The following PPFIA4 variants were observed in gnomAD, a reference collection of about 807,000 sequenced individuals.
PPFIA4 encodes the protein PPFI scaffold protein A4.
In PPFIA4, 98 loss-of-function variants were observed where a neutral mutation model predicts 145.7. That is an observed-to-expected ratio of 0.67 (90% CI 0.57 to 0.80). PPFIA4 has a LOEUF of 0.80. PPFIA4 is among the 30% of genes least tolerant of loss of function. The pLI is 0.00. For synonymous variants in PPFIA4, 628 were observed against 649.6 expected (o/e 0.97, Z 0.51); for missense variants, 1,457 against 1,632.7 (o/e 0.89, Z 1.85).
At chr1:203,035,672 G>A (rs1230190718) in intron 1 of PPFIA4, 2 of 456,718 alleles carry the variant, frequency 4.4e-6, no homozygotes, top group Non-Finnish European at 8.8e-6. Context: ...TGCGGGAGTT[G>A]AGGAGGCTTC....
At chr1:203,029,125 A>G (rs1410974546) in intron 1 of PPFIA4, among the ~76,000 whole-genome samples, 2 of 152,164 alleles carry the variant, frequency 1.3e-5, no homozygotes, top group Non-Finnish European at 2.9e-5. Flanking sequence ...AGGAGACTCC[A>G]GGGCTGGTCT....
intron 7 of PPFIA4, 45 bp downstream of exon 7, chr1:203,045,604 T>C: frequency 6.6e-7 from 1 of 1,508,246 alleles, no homozygotes; most frequent in Non-Finnish European, 8.9e-7. Context: ...TTGTGGAGCG[T>C]GTGGAGGGAG....
At chr1:203,040,826 C>T (rs189239226) in intron 2 of PPFIA4, among the ~76,000 whole-genome samples, 50 of 152,318 alleles carry the variant, frequency 3.3e-4, no homozygotes, top group African/African-American at 1.0e-3. Context: ...TATTCAAGAT[C>T]ATACAGCTAA....
intron 19 of PPFIA4, among the ~76,000 whole-genome samples, chr1:203,058,162 A>G (rs1661106406): frequency 6.6e-6 from 1 of 152,168 alleles, no homozygotes; most frequent in African/African-American, 2.4e-5. Flanking sequence ...ACCTTTCTGC[A>G]GCTCAGGAAG....
chr1:203,045,139 G>T (rs534685235), intron 6 of PPFIA4, among the ~76,000 whole-genome samples: 1 of 152,320 alleles, frequency 6.6e-6, no homozygotes, highest in Non-Finnish European at 1.5e-5. Context: ...GATAAAACTA[G>T]AAACTTGTTT....
Position 203,075,676 on chromosome 1 carries a change from A to C in PPFIA4, c.3493A>C (p.Thr1165Pro). The change falls in exon 29 of 30, where the codon ACC becomes CCC. Residue 1165 changes from threonine to proline, a missense_variant. Physicochemically the swap from Thr to Pro is conservative, Grantham distance 38. Transcript: ENST00000295706. The surrounding 1 kb of genome is among the most constrained non-coding windows in gnomAD (Gnocchi z 4.1). ...CGGCATGCTCAGCGCTTCCGCGGAGACCCTCCCGGCGGGCTTCCGTGTGTC... is the reference window on the plus strand; with the variant it reads ...CGGCATGCTCAGCGCTTCCGCGGAGCCCCTCCCGGCGGGCTTCCGTGTGTC... ...RGGMLSASAE[T>P]LPAGFRVSTL... The C allele has an allele frequency of 6.7e-7, 1 of 1,497,556 alleles. No individual in the cohort carries two copies. Among genetic ancestry groups the C allele is most frequent in the Non-Finnish European group, 8.9e-7 (1 of 1,121,420 alleles). The allele number at this position is 1,497,556 out of a possible 1,614,324, so 92.8% of individuals were successfully genotyped here.
chr1:203,064,803 AG>A (rs1281713316), intron 25 of PPFIA4, among the ~76,000 whole-genome samples: 1 of 152,178 alleles, frequency 6.6e-6, no homozygotes, highest in Non-Finnish European at 1.5e-5. Context: ...AGGGCCTCCC[AG>A]CCCCCCAGCC....
At position 203,075,161 on chromosome 1, in the gene PPFIA4, G is replaced by A. The variant is rs1007301334; in HGVS notation, c.3394-416G>A. Among the ~76,000 whole-genome samples, 7 of 152,162 alleles carry A rather than the reference G, an allele frequency of 4.6e-5. No individual in the cohort carries two copies. In the South Asian group the frequency reaches 6.2e-4, roughly 14 times the overall value. On this transcript the variant is annotated intron_variant, in intron 28 of 29. Coordinates refer to ENST00000295706, the MANE Select transcript of PPFIA4 (RefSeq NM_001304331.2). This position sits in a 1 kb window ranked among gnomAD's most constrained non-coding sequence, Gnocchi z 4.1. ...CTGGTATACTGGGCTACAGCCATTC[G>A]GAGGCCCCAGAAGGACAGGACAGTG...
chr1:203,049,652 C>A, intron 12 of PPFIA4, 24 bp from the exon 13 acceptor site: 1 of 1,498,448 alleles, frequency 6.7e-7, no homozygotes, highest in Non-Finnish European at 8.9e-7. Context: ...CACTCCCGCC[C>A]CCACCCCGGG....
intron 25 of PPFIA4, among the ~76,000 whole-genome samples, chr1:203,065,472 G>A (rs1464026907): frequency 6.6e-6 from 1 of 152,184 alleles, no homozygotes; most frequent in African/African-American, 2.4e-5. Context: ...GGCTGCTAGA[G>A]GATCTGTCAG....
intron 4 of PPFIA4, 28 bp downstream of exon 4, chr1:203,044,123 TC>T (rs1228542703): frequency 1.3e-6 from 2 of 1,551,808 alleles, no homozygotes. Context: ...AGCCCCCACA[TC>T]CAGCCAGGCT....
intron 1 of PPFIA4, among the ~76,000 whole-genome samples, chr1:203,034,145 C>A (rs1659044596): frequency 6.6e-6 from 1 of 152,182 alleles, no homozygotes; most frequent in Admixed American, 6.5e-5. Context: ...ATCTCACACA[C>A]TGGAGGGATC....
intron 5 of PPFIA4, 79 bp from the exon 6 acceptor site, chr1:203,044,617 C>A: frequency 7.0e-7 from 1 of 1,435,708 alleles, no homozygotes. Flanking sequence ...TTAACTAAGA[C>A]AGGGGCTTTG....
intron 28 of PPFIA4, among the ~76,000 whole-genome samples, chr1:203,073,556 T>G (rs1662315603): frequency 7.9e-6 from 1 of 126,320 alleles, no homozygotes; most frequent in Non-Finnish European, 1.8e-5. Context: ...TGTCCAACTG[T>G]CTAGCACATC....
In PPFIA4 at chr1:203,076,396, G is replaced by T. The variant is rs756435473; in HGVS notation, c.*6G>T. On this transcript the variant is annotated 3_prime_UTR_variant, in exon 30 of 30. Coordinates refer to ENST00000295706, the MANE Select transcript of PPFIA4 (RefSeq NM_001304331.2). Reference sequence around the variant, plus strand: ...TCTCCGCCTTCCGGGACTAGCCATGGCCCCCAGGGCTGGCTTCCTCCTTCT... The same window carrying T: ...TCTCCGCCTTCCGGGACTAGCCATGTCCCCCAGGGCTGGCTTCCTCCTTCT... The T allele has an allele frequency of 5.0e-6, 8 of 1,607,978 alleles. No individual in the cohort carries two copies. The African/African-American group carries it at 9.3e-5, about 19-fold the overall frequency.
Position 203,045,525 on chromosome 1 carries a change from A to C in PPFIA4, c.824A>C (p.Glu275Ala), listed in dbSNP as rs772722223. ...CGCCGGGACCTCATCAAGTCGGAGGAGCTGAGCAGCAAGCATCAGCGGGAC... is the reference window on the plus strand; with the variant it reads ...CGCCGGGACCTCATCAAGTCGGAGGCGCTGAGCAGCAAGCATCAGCGGGAC... ...TARRDLIKSE[E>A]LSSKHQRDLR... The change falls in exon 7 of 30, where the codon GAG becomes GCG. Residue 275 changes from glutamate to alanine, a missense_variant. Physicochemically the swap from Glu to Ala is moderately radical, Grantham distance 107. Around this residue, in one of 3 missense-constraint regions of PPFIA4, gnomAD observed 463 missense variants for 459.8 expected, o/e 1.01. Coordinates refer to ENST00000295706, the MANE Select transcript of PPFIA4 (RefSeq NM_001304331.2). 2 of 1,603,592 alleles carry C rather than the reference A, an allele frequency of 1.2e-6. No individual in the cohort carries two copies. The highest frequency in any genetic ancestry group is 1.7e-6 in the Non-Finnish European group (2 of 1,175,866).
chr1:203,035,239 C>T (rs10920551), intron 1 of PPFIA4: 99,212 of 454,710 alleles, frequency 0.22, 11,613 homozygotes, highest in Admixed American at 0.3. Flanking sequence ...ACGCTCCTAG[C>T]GGCCCTGCCC....
In PPFIA4 at chr1:203,060,335, C is replaced by T; in HGVS notation, c.2702C>T (p.Ala901Val). 6.2e-7 allele frequency: 1 copy of T among 1,614,048 alleles called. No individual in the cohort carries two copies. The highest frequency in any genetic ancestry group is 1.3e-5 in the African/African-American group (1 of 75,050). ...EIQREIGISN[A>V]LHRLKLRLAI... is the part of the protein sequence containing the mutation. Reference sequence around the variant, plus strand: ...CAGCGGGAGATCGGCATCAGCAATGCCCTGCACCGGCTCAAGCTCCGCCTG... The same window carrying T: ...CAGCGGGAGATCGGCATCAGCAATGTCCTGCACCGGCTCAAGCTCCGCCTG... The change falls in exon 22 of 30, where the codon GCC becomes GTC. Residue 901 changes from alanine to valine, a missense_variant. Transcript: ENST00000295706. This position sits in a 1 kb window ranked among gnomAD's most constrained non-coding sequence, Gnocchi z 4.8.
At position 203,039,221 on chromosome 1, in the gene PPFIA4, C is replaced by T. The variant is rs1659522181; in HGVS notation, c.213C>T (p.His71=). 1 of 1,595,922 alleles carries T rather than the reference C, an allele frequency of 6.3e-7. No individual in the cohort carries two copies. The highest frequency in any genetic ancestry group is 8.5e-7 in the Non-Finnish European group (1 of 1,172,224). ...ACGAGCGGGACCAGCTCCAGCGCCACCTTAACTCCGCCCTCCCCCAGGTAA... is the reference window on the plus strand; with the variant it reads ...ACGAGCGGGACCAGCTCCAGCGCCATCTTAACTCCGCCCTCCCCCAGGTAA... ...AIHERDQLQR[H]LNSALPQEFA... Residue 71 remains histidine, a synonymous_variant, in exon 2 of 30, where the codon CAC becomes CAT. Coordinates refer to ENST00000295706, the MANE Select transcript of PPFIA4 (RefSeq NM_001304331.2).
Sources: allele counts gnomAD v4.1 joint callset (sites outside exome capture counted in the v4.1 genomes callset), GRCh38; gene constraint gnomAD v4.1.1; regional missense constraint gnomAD v4.1.1; non-coding constraint Gnocchi (gnomAD v3.1); transcripts MANE v1.5; gene names NCBI Gene and HGNC (gene_info 2026-07-23, HGNC 2026-07-21).